The following HIPK2 variants were observed in gnomAD, a reference collection of about 807,000 sequenced individuals.
HIPK2 encodes homeodomain-interacting protein kinase 2.
HIPK2 carries 27 observed loss-of-function variants against 113.7 expected under a neutral mutation model. That is an observed-to-expected ratio of 0.24 (90% CI 0.17 to 0.33). The LOEUF is 0.33. Ranked by LOEUF, HIPK2 falls within the 10% of genes least tolerant of loss-of-function variation. HIPK2 has a pLI of 1.00. For missense variants in HIPK2, 1,257 were observed against 1,588.0 expected (o/e 0.79, Z 3.54); for synonymous variants, 631 against 642.2 (o/e 0.98, Z 0.26).
intron 9 of HIPK2, among the ~76,000 whole-genome samples, chr7:139,605,733 G>T (rs1799597404): frequency 6.6e-6 from 1 of 152,160 alleles, no homozygotes; most frequent in African/African-American, 2.4e-5. Flanking sequence ...ATAGGCAGAA[G>T]CTCAGGGACC....
chr7:139,657,481 T>A (rs564471235), intron 2 of HIPK2, among the ~76,000 whole-genome samples: 33 of 152,290 alleles, frequency 2.2e-4, no homozygotes, highest in African/African-American at 7.5e-4. Flanking sequence ...CAGCTGCACA[T>A]CTCTAGACAG....
In HIPK2 at chr7:139,764,036, T is replaced by C. The variant is rs568778427; in HGVS notation, c.19+13569A>G. Among the ~76,000 whole-genome samples the C allele has an allele frequency of 1.2e-4, 18 of 152,380 alleles. No individual in the cohort carries two copies. In the South Asian group the frequency reaches 2.1e-3, roughly 18 times the overall value. ...TCCTAAGCACAAGAAGACTGTGATG[T>C]GCCTTATGAGAAACGCATGTGTTAG... On this transcript the variant is annotated intron_variant, in intron 1 of 14. Transcript: ENST00000406875.
intron 2 of HIPK2, among the ~76,000 whole-genome samples, chr7:139,673,302 A>G (rs1802370796): frequency 6.6e-6 from 1 of 152,134 alleles, no homozygotes; most frequent in African/African-American, 2.4e-5. Context: ...ACATAATGAG[A>G]GTAGGGGCAG....
At chr7:139,688,964 T>C (rs1482522136) in intron 2 of HIPK2, among the ~76,000 whole-genome samples, 1 of 152,204 alleles carries the variant, frequency 6.6e-6, no homozygotes, top group Non-Finnish European at 1.5e-5. Flanking sequence ...CCAGTCTTAC[T>C]AAGAGTTTAT....
chr7:139,770,067 G>T (rs1796620434), intron 1 of HIPK2, among the ~76,000 whole-genome samples: 1 of 152,208 alleles, frequency 6.6e-6, no homozygotes, highest in Non-Finnish European at 1.5e-5. Flanking sequence ...AGAAGTCCCT[G>T]CTATCCGCTC....
At chr7:139,666,922 G>A (rs891329880) in intron 2 of HIPK2, among the ~76,000 whole-genome samples, 9 of 152,086 alleles carry the variant, frequency 5.9e-5, no homozygotes, top group Admixed American at 4.6e-4. Flanking sequence ...TTAGCTGGGT[G>A]TAGTGGCAGG....
In HIPK2 at chr7:139,758,871, A is replaced by G. The variant is rs562263372; in HGVS notation, c.19+18734T>C. 5.9e-5 allele frequency among the ~76,000 whole-genome samples: 9 copies of G among 152,338 alleles called. No homozygotes were observed. In the South Asian group the frequency reaches 1.9e-3, roughly 32 times the overall value. On this transcript the variant is annotated intron_variant, in intron 1 of 14. Transcript: ENST00000406875. Reference sequence around the variant, plus strand: ...TGTAAACAGAAAAAAGTAAAATTACAAAAGTACCCAAAGGAACTGAAAAAT... The same window carrying G: ...TGTAAACAGAAAAAAGTAAAATTACGAAAGTACCCAAAGGAACTGAAAAAT...
At chr7:139,592,732 A>G (rs1209185796) in intron 12 of HIPK2, among the ~76,000 whole-genome samples, 1 of 152,248 alleles carries the variant, frequency 6.6e-6, no homozygotes, top group African/African-American at 2.4e-5. Flanking sequence ...CTTGTTCAGT[A>G]TGTGTAGACA....
chr7:139,585,431 C>T (rs1798802336), intron 12 of HIPK2, among the ~76,000 whole-genome samples: 1 of 152,236 alleles, frequency 6.6e-6, no homozygotes. Flanking sequence ...GCCCAGCGCT[C>T]CTGACATCTA....
intron 12 of HIPK2, among the ~76,000 whole-genome samples, chr7:139,594,854 C>G (rs180887725): frequency 6.6e-6 from 1 of 152,222 alleles, no homozygotes; most frequent in Non-Finnish European, 1.5e-5. Flanking sequence ...CTCACCTGTG[C>G]ACCTGGCTCT....
At chr7:139,673,757 C>T (rs530418136) in intron 2 of HIPK2, among the ~76,000 whole-genome samples, 1 of 151,896 alleles carries the variant, frequency 6.6e-6, no homozygotes, top group East Asian at 1.9e-4. Flanking sequence ...AAAAAATTTG[C>T]TGACTTTGGA....
intron 2 of HIPK2, among the ~76,000 whole-genome samples, chr7:139,678,589 T>C (rs552904580): frequency 3.3e-5 from 5 of 152,238 alleles, no homozygotes; most frequent in Non-Finnish European, 5.9e-5. Context: ...CCTTGTAGTA[T>C]AGTTTGAAGT....
At chr7:139,638,805 C>T (rs562018121) in intron 2 of HIPK2, among the ~76,000 whole-genome samples, 1 of 152,036 alleles carries the variant, frequency 6.6e-6, no homozygotes, top group South Asian at 2.1e-4. Context: ...CTACAGGCGC[C>T]CACCACCATG....
rs184098957 is a variant in HIPK2 at position 139,753,629 on chromosome 7, T to C, written c.19+23976A>G. Among the ~76,000 whole-genome samples the C allele has an allele frequency of 6.6e-5, 10 of 152,354 alleles. No homozygotes were observed. In the East Asian group the frequency reaches 1.3e-3, roughly 21 times the overall value. On this transcript the variant is annotated intron_variant, in intron 1 of 14. Coordinates refer to ENST00000406875, the MANE Select transcript of HIPK2 (RefSeq NM_022740.5). Reference sequence around the variant, plus strand: ...ATCATAGTAACCAGCTTGCCTGTTATTGAGTTGAGCACAGTAGGGAAAATG... The same window carrying C: ...ATCATAGTAACCAGCTTGCCTGTTACTGAGTTGAGCACAGTAGGGAAAATG...
chr7:139,687,052 T>C (rs1188999692), intron 2 of HIPK2, among the ~76,000 whole-genome samples: 1 of 152,232 alleles, frequency 6.6e-6, no homozygotes, highest in Non-Finnish European at 1.5e-5. Context: ...TATGACTCAC[T>C]GAAGGCCCAG....
chr7:139,632,128 G>A (rs77827777), intron 2 of HIPK2, among the ~76,000 whole-genome samples: 12 of 152,334 alleles, frequency 7.9e-5, no homozygotes, highest in South Asian at 6.2e-4. Flanking sequence ...GTTCTGAAAC[G>A]CAGGTCTTCT....
intron 2 of HIPK2, among the ~76,000 whole-genome samples, chr7:139,695,757 A>G (rs1794544585): frequency 6.6e-6 from 1 of 151,956 alleles, no homozygotes; most frequent in African/African-American, 2.4e-5. Flanking sequence ...ATTACCGAAA[A>G]CTATGGAAGA....
intron 1 of HIPK2, among the ~76,000 whole-genome samples, chr7:139,766,731 A>G (rs947344207): frequency 6.6e-6 from 1 of 152,224 alleles, no homozygotes; most frequent in Non-Finnish European, 1.5e-5. Context: ...CCTTGCATAC[A>G]TTATTTCATA....
chr7:139,627,955 T>C (rs1477186870), intron 5 of HIPK2, among the ~76,000 whole-genome samples: 1 of 152,058 alleles, frequency 6.6e-6, no homozygotes, highest in East Asian at 1.9e-4. Flanking sequence ...TATTTGGAAA[T>C]AGGGTCTTTG....
Sources: allele counts gnomAD v4.1 joint callset (sites outside exome capture counted in the v4.1 genomes callset), GRCh38; gene constraint gnomAD v4.1.1; transcripts MANE v1.5; gene names NCBI Gene and HGNC (gene_info 2026-07-23, HGNC 2026-07-21).